The following PLEKHA5 variants were observed in gnomAD, a reference collection of about 807,000 sequenced individuals.
PLEKHA5 encodes the protein pleckstrin homology domain containing A5.
In PLEKHA5, 55 loss-of-function variants were observed where a neutral mutation model predicts 181.9. The ratio of observed to expected loss-of-function variants is 0.30; its 90% CI spans 0.24 to 0.38. PLEKHA5 has a LOEUF of 0.38. Among genes scored for constraint, PLEKHA5 ranks in the 10% least tolerant of loss-of-function variants. PLEKHA5 has a pLI of 1.00. For missense variants in PLEKHA5, 1,432 were observed against 1,549.5 expected (o/e 0.92, Z 1.27); for synonymous variants, 535 against 529.4 (o/e 1.01, Z -0.15).
intron 3 of PLEKHA5, among the ~76,000 whole-genome samples, chr12:19,204,305 C>T (rs1021990849): frequency 2.0e-5 from 3 of 152,068 alleles, no homozygotes; most frequent in African/African-American, 7.2e-5. Context: ...GACTTGCTGT[C>T]GTGAGCTTGG....
At chr12:19,214,769 G>T (rs2152237937) in intron 3 of PLEKHA5, among the ~76,000 whole-genome samples, 1 of 152,234 alleles carries the variant, frequency 6.6e-6, no homozygotes, top group South Asian at 2.1e-4. Flanking sequence ...TTGTCTGCCA[G>T]ATGGTGTTAA....
At chr12:19,320,972 G>A in intron 18 of PLEKHA5, 1 of 158,340 alleles carries the variant, frequency 6.3e-6, no homozygotes, top group Non-Finnish European at 1.4e-5. Flanking sequence ...TTTGAGACCA[G>A]CCTGGGCAAC....
At chr12:19,254,855 T>C (rs966930848) in intron 4 of PLEKHA5, among the ~76,000 whole-genome samples, 190 bp from the exon 5 acceptor site, 1 of 152,160 alleles carries the variant, frequency 6.6e-6, no homozygotes, top group Non-Finnish European at 1.5e-5. Flanking sequence ...ATGATAATAA[T>C]GTATTTTTGG....
At chr12:19,136,893 CA>C (rs2035811439) in intron 3 of PLEKHA5, among the ~76,000 whole-genome samples, 4 of 151,964 alleles carry the variant, frequency 2.6e-5, no homozygotes, top group African/African-American at 9.7e-5. Flanking sequence ...CCAAACTTAC[CA>C]AAACTAGCGT....
At chr12:19,367,788 C>T (rs904020891) in intron 30 of PLEKHA5, among the ~76,000 whole-genome samples, 2 of 150,412 alleles carry the variant, frequency 1.3e-5, no homozygotes, top group South Asian at 2.1e-4. Flanking sequence ...TAGGGTTTCA[C>T]TGTTAGCCAG....
intron 28 of PLEKHA5, among the ~76,000 whole-genome samples, chr12:19,361,308 G>A (rs867445089): frequency 1.3e-5 from 2 of 151,850 alleles, no homozygotes; most frequent in Admixed American, 1.3e-4. Context: ...TCAGCCTCCC[G>A]AGTAGCTGGG....
intron 3 of PLEKHA5, among the ~76,000 whole-genome samples, chr12:19,141,797 T>C (rs2037427181): frequency 6.6e-6 from 1 of 151,136 alleles, no homozygotes; most frequent in African/African-American, 2.4e-5. Flanking sequence ...AACCTCACCC[T>C]GCTAGGTGAG....
At chr12:19,299,381 A>G (rs1032734834) in intron 15 of PLEKHA5, among the ~76,000 whole-genome samples, 3 of 152,212 alleles carry the variant, frequency 2.0e-5, no homozygotes, top group African/African-American at 4.8e-5. Context: ...CCTTATGTAT[A>G]TGAGATCCCT....
At chr12:19,295,426 G>A (rs940940639) in intron 15 of PLEKHA5, among the ~76,000 whole-genome samples, 7 of 152,266 alleles carry the variant, frequency 4.6e-5, no homozygotes, top group Admixed American at 3.3e-4. Flanking sequence ...TTGCCAGGAG[G>A]TTGGAAGTAA....
At chr12:19,346,558 C>T (rs1486127719) in intron 23 of PLEKHA5, among the ~76,000 whole-genome samples, 1 of 152,000 alleles carries the variant, frequency 6.6e-6, no homozygotes, top group Non-Finnish European at 1.5e-5. Flanking sequence ...ATCCCTTGAG[C>T]CCAGGAGTTC....
chr12:19,172,266 T>C (rs1054307392), intron 3 of PLEKHA5, among the ~76,000 whole-genome samples: 1 of 152,192 alleles, frequency 6.6e-6, no homozygotes, highest in African/African-American at 2.4e-5. Context: ...TGGCTACAAC[T>C]TAACCAGGTG....
intron 3 of PLEKHA5, chr12:19,150,689 G>T (rs1269657861): frequency 4.6e-5 from 7 of 152,180 alleles, no homozygotes. Context: ...AAAATACAGT[G>T]TGTTTAAATG....
chr12:19,156,118 C>G (rs991845319), intron 3 of PLEKHA5, among the ~76,000 whole-genome samples: 1 of 151,894 alleles, frequency 6.6e-6, no homozygotes, highest in African/African-American at 2.4e-5. Flanking sequence ...GCGCAAAGTT[C>G]TTATTGCAGG....
chr12:19,239,446 C>T (rs879883880), intron 3 of PLEKHA5, among the ~76,000 whole-genome samples: 5 of 152,150 alleles, frequency 3.3e-5, no homozygotes, highest in East Asian at 3.9e-4. Flanking sequence ...TTCTGTCCCC[C>T]TCGTGCCTCA....
At chr12:19,362,972 G>A (rs1408473572) in intron 29 of PLEKHA5, among the ~76,000 whole-genome samples, 4 of 151,968 alleles carry the variant, frequency 2.6e-5, no homozygotes, top group Admixed American at 2.6e-4. Flanking sequence ...TAAGGGACTG[G>A]AGCATCTGCA....
rs113490609 is a variant in PLEKHA5 at position 19,132,366 on chromosome 12, C to T, written c.170-27C>T. ...TTATTTTGCTATCATTGAAGTAATA[C>T]TAATTGTAATATATGTATTGTTTTA... On this transcript the variant is annotated intron_variant, in intron 2 of 31. Coordinates refer to ENST00000429027, the MANE Select transcript of PLEKHA5 (RefSeq NM_001256470.2). 530 of 1,134,980 alleles carry T rather than the reference C, an allele frequency of 4.7e-4. 7 individuals carry two copies. In the African/African-American group the frequency reaches 7.4e-3, roughly 16 times the overall value. 70.3% of individuals were successfully genotyped at this position (1,134,980 alleles called of 1,614,324 possible).
intron 3 of PLEKHA5, among the ~76,000 whole-genome samples, chr12:19,175,736 G>A (rs10841170): frequency 0.89 from 135,168 of 152,268 alleles, 60,855 homozygotes; most frequent in Non-Finnish European, 0.97. Context: ...TAACATTGTT[G>A]AAACTCTTTT....
At chr12:19,280,658 T>G (rs1051562890) in intron 11 of PLEKHA5, among the ~76,000 whole-genome samples, 3 of 152,132 alleles carry the variant, frequency 2.0e-5, no homozygotes, top group African/African-American at 7.2e-5. Flanking sequence ...TTCTGTTGAT[T>G]TTGATATTAG....
chr12:19,266,657 G>T (rs2152680441), intron 8 of PLEKHA5, among the ~76,000 whole-genome samples: 1 of 152,096 alleles, frequency 6.6e-6, no homozygotes, highest in South Asian at 2.1e-4. Flanking sequence ...GGTGGTGTGT[G>T]CCTGTAGTCC....
Sources: gnomAD v4.1 joint callset for allele counts (sites outside exome capture counted in the v4.1 genomes callset) on GRCh38, gnomAD v4.1.1 for gene constraint, MANE v1.5 for transcripts, NCBI Gene and HGNC (gene_info 2026-07-23, HGNC 2026-07-21) for gene names.